Variants in TMED5 observed in about 807,000 individuals in gnomAD.
TMED5 encodes transmembrane p24 trafficking protein 5.
In TMED5, 27 loss-of-function variants were observed where a neutral mutation model predicts 23.0. The observed-to-expected ratio is 1.17, with a 90% CI of 0.86 to 1.62. The LOEUF is 1.62. TMED5 is among the 40% of genes most tolerant of loss of function. TMED5 has a pLI of 0.00. For synonymous variants in TMED5, 97 were observed against 100.8 expected, an observed-to-expected ratio of 0.96 and a Z score of 0.23; for missense variants, 248 against 273.7, an observed-to-expected ratio of 0.91 and a Z score of 0.66.
chr1:93,179,222 C>T (rs1224550143), intron 1 of TMED5, among the ~76,000 whole-genome samples: 2 of 152,062 alleles, frequency 1.3e-5, no homozygotes, highest in Admixed American at 6.5e-5. Context: ...ATTAGCTGGG[C>T]ATGGTGGCGC....
At chr1:93,177,369 G>C (rs1408836897) in intron 1 of TMED5, among the ~76,000 whole-genome samples, 1 of 152,036 alleles carries the variant, frequency 6.6e-6, no homozygotes, top group Non-Finnish European at 1.5e-5. Context: ...CTTGAGATCA[G>C]GAGTTTGGGA....
chr1:93,156,241 T>A (rs1400103822), intron 3 of TMED5, 59 bp downstream of exon 3: 1 of 1,454,990 alleles, frequency 6.9e-7, no homozygotes, highest in African/African-American at 1.4e-5. Context: ...AGTAACTTAT[T>A]ACCATAGTAA....
intron 1 of TMED5, among the ~76,000 whole-genome samples, chr1:93,170,705 G>A (rs1343936780): frequency 1.3e-5 from 2 of 152,240 alleles, no homozygotes; most frequent in African/African-American, 2.4e-5. Context: ...GTCTGGTGGG[G>A]ACTTGGAGAA....
At chr1:93,164,574 A>G (rs931030724) in intron 1 of TMED5, among the ~76,000 whole-genome samples, 2 of 152,208 alleles carry the variant, frequency 1.3e-5, no homozygotes, top group African/African-American at 4.8e-5. Flanking sequence ...CTATAAGCTT[A>G]CACATCAAGC....
intron 3 of TMED5, chr1:93,155,980 G>A: frequency 1.1e-6 from 1 of 882,898 alleles, no homozygotes; most frequent in South Asian, 2.1e-5. Flanking sequence ...ATAATCAGAA[G>A]CATAATCTAT....
Position 93,180,368 on chromosome 1 carries a change from CGCGGCGGCG to C in TMED5, c.-135_-127del. On this transcript the variant is annotated 5_prime_UTR_variant, in exon 1 of 4. Transcript: ENST00000370282. ...GTCTGAAGAAACTCCAGGTGGCGGCCGCGGCGGCGGCGAACACTCCCTCCGAAAGAGAAG... is the reference window on the plus strand; with the variant it reads ...GTCTGAAGAAACTCCAGGTGGCGGCCGCGAACACTCCCTCCGAAAGAGAAG... 1 of 1,315,898 alleles carries C rather than the reference CGCGGCGGCG, an allele frequency of 7.6e-7. No homozygotes were observed. The highest frequency in any genetic ancestry group is 1.0e-6 in the Non-Finnish European group (1 of 970,324). The allele number at this position is 1,315,898 out of a possible 1,614,324, so 81.5% of individuals were successfully genotyped here.
In TMED5 at chr1:93,151,394, A is replaced by AAT. The variant is rs1452955986; in HGVS notation, c.*3274_*3275dup. On this transcript the variant is annotated 3_prime_UTR_variant, in exon 4 of 4. Coordinates refer to ENST00000370282, the MANE Select transcript of TMED5 (RefSeq NM_016040.5). ...TAAGATGTTTCTGAACAAGTTTTAA[A>AAT]ATATTTCTGAAAATGAAATAGTCTC... is the stretch of plus-strand genomic sequence containing the variant. 6.6e-6 allele frequency: 1 copy of AAT among 152,222 alleles called. No homozygotes were observed. The highest frequency in any genetic ancestry group is 1.9e-4 in the East Asian group (1 of 5,202). 9.4% of individuals were successfully genotyped at this position (152,222 alleles called of 1,614,324 possible).
intron 1 of TMED5, chr1:93,162,575 C>G (rs1648321481): frequency 1.3e-5 from 2 of 152,018 alleles, no homozygotes; most frequent in Admixed American, 6.6e-5. Flanking sequence ...TCAGCCTGGG[C>G]AAAAGAATGA....
chr1:93,166,987 C>T lies in TMED5; in HGVS notation c.190-6761G>A, dbSNP rs373807020. On this transcript the variant is annotated intron_variant, in intron 1 of 3. Transcript: ENST00000370282. Reference sequence around the variant, plus strand: ...GTTTCATTCTCCTGCATATGGATATCCAGTTTTCCCGGGACCATTTATTGA... The same window carrying T: ...GTTTCATTCTCCTGCATATGGATATTCAGTTTTCCCGGGACCATTTATTGA... 2.0e-5 allele frequency among the ~76,000 whole-genome samples: 3 copies of T among 152,234 alleles called. No homozygotes were observed. In the South Asian group the frequency reaches 6.2e-4, roughly 32 times the overall value.
At chr1:93,175,676 A>G (rs1209663313) in intron 1 of TMED5, among the ~76,000 whole-genome samples, 1 of 152,030 alleles carries the variant, frequency 6.6e-6, no homozygotes, top group Non-Finnish European at 1.5e-5. Context: ...ACCAGAAAAT[A>G]TTGAAATTTG....
At position 93,157,521 on chromosome 1, in the gene TMED5, G is replaced by C. The variant is rs938067978; in HGVS notation, c.288-1038C>G. Reference sequence around the variant, plus strand: ...GAGGCAGGATTACTGTAGGCCAGGGGTTCGAGATTAGCCTGGGCAAAAGTG... The same window carrying C: ...GAGGCAGGATTACTGTAGGCCAGGGCTTCGAGATTAGCCTGGGCAAAAGTG... On this transcript the variant is annotated intron_variant, in intron 2 of 3. Coordinates refer to ENST00000370282, the MANE Select transcript of TMED5 (RefSeq NM_016040.5). 7.2e-5 allele frequency among the ~76,000 whole-genome samples: 11 copies of C among 152,036 alleles called. 1 individual carries two copies. Among genetic ancestry groups the C allele is most frequent in the Admixed American group, 3.3e-4 (5 of 15,264 alleles).
rs547616220 is a variant in TMED5 at position 93,178,541 on chromosome 1, ATTCT to A, written c.189+1509_189+1512del. 2.6e-5 allele frequency among the ~76,000 whole-genome samples: 4 copies of A among 152,002 alleles called. No homozygotes were observed. In the East Asian group the frequency reaches 5.8e-4, roughly 22 times the overall value. On this transcript the variant is annotated intron_variant, in intron 1 of 3. Coordinates refer to ENST00000370282, the MANE Select transcript of TMED5 (RefSeq NM_016040.5). ...TTTATTAAGCTCTTTGAGAAGAGGG[ATTCT>A]TTCTTTCTCTTTTACCTACATCCCG...
At position 93,154,433 on chromosome 1, in the gene TMED5, C is replaced by T. The variant is rs933529013; in HGVS notation, c.*237G>A. The T allele has an allele frequency of 2.4e-5, 12 of 493,642 alleles. No individual in the cohort carries two copies. The highest frequency in any genetic ancestry group is 6.0e-5 in the South Asian group (2 of 33,146). 30.6% of individuals were successfully genotyped at this position (493,642 alleles called of 1,614,324 possible). A position where few individuals can be genotyped will look rare whatever the true frequency, so the allele number is the denominator to read the frequency against. ...TAGGAAAATGCAGTTATTAATATGG[C>T]TTCATTCAGTTAAACCTATATTCTG... On this transcript the variant is annotated 3_prime_UTR_variant, in exon 4 of 4. Coordinates refer to ENST00000370282, the MANE Select transcript of TMED5 (RefSeq NM_016040.5).
At chr1:93,159,741 AC>A (rs1390647121) in intron 2 of TMED5, among the ~76,000 whole-genome samples, 2 of 152,190 alleles carry the variant, frequency 1.3e-5, no homozygotes, top group Non-Finnish European at 2.9e-5. Flanking sequence ...AAAACTATGG[AC>A]AAAAATGGCA....
intron 1 of TMED5, chr1:93,160,468 G>C: frequency 6.1e-6 from 2 of 330,088 alleles, no homozygotes; most frequent in Non-Finnish European, 5.6e-6. Flanking sequence ...GGATATTACT[G>C]AAATAAATCT....
At chr1:93,158,557 A>T (rs887776156) in intron 2 of TMED5, among the ~76,000 whole-genome samples, 2 of 151,784 alleles carry the variant, frequency 1.3e-5, no homozygotes, top group African/African-American at 4.9e-5. Flanking sequence ...CTGAAACTTA[A>T]AAGATGAACT....
At chr1:93,158,611 G>A (rs953851874) in intron 2 of TMED5, among the ~76,000 whole-genome samples, 1 of 143,052 alleles carries the variant, frequency 7.0e-6, no homozygotes. Flanking sequence ...AGTCTCTGTC[G>A]CCAGGCTGGA....
chr1:93,162,750 C>G (rs1376617672), intron 1 of TMED5: 4 of 152,138 alleles, frequency 2.6e-5, no homozygotes, highest in Non-Finnish European at 5.9e-5. Flanking sequence ...AAAGTACAAT[C>G]TTCTATCAAA....
intron 1 of TMED5, among the ~76,000 whole-genome samples, chr1:93,169,721 G>C (rs1648638878): frequency 6.6e-6 from 1 of 151,998 alleles, no homozygotes; most frequent in African/African-American, 2.4e-5. Context: ...AGAAATAAAA[G>C]CTGGGTCATC....
Sources: allele counts gnomAD v4.1 joint callset (sites outside exome capture counted in the v4.1 genomes callset), GRCh38; gene constraint gnomAD v4.1.1; transcripts MANE v1.5; gene names NCBI Gene and HGNC (gene_info 2026-07-23, HGNC 2026-07-21).